CDH2: variants seen among roughly 807,000 people sequenced by gnomAD.
The protein encoded by CDH2 is cadherin-2.
A neutral mutation model predicts 92.0 loss-of-function variants in CDH2; 17 were observed. The observed-to-expected ratio is 0.18, with a 90% confidence interval of 0.13 to 0.28. The LOEUF (loss-of-function observed/expected upper bound fraction) is 0.28, where lower values mean the gene tolerates loss of function less well. Ranked by LOEUF, CDH2 falls within the 10% of genes least tolerant of loss-of-function variation. The pLI, the probability that CDH2 is intolerant of heterozygous loss-of-function variation, is 1.00. For synonymous variants in CDH2, 419 were observed against 415.9 expected (o/e 1.01, Z -0.09); for missense variants, 862 against 1,133.1 (o/e 0.76, Z 3.44).
At chr18:27,985,983 T>C (rs756130691) in intron 11 of CDH2, among the ~76,000 whole-genome samples, 1 of 152,144 alleles carries the variant, frequency 6.6e-6, no homozygotes, top group Non-Finnish European at 1.5e-5. Context: ...CTGCAGGAGC[T>C]GAGCAAGGTG....
intron 2 of CDH2, among the ~76,000 whole-genome samples, chr18:28,102,692 GC>G (rs2015246036): frequency 6.6e-6 from 1 of 152,014 alleles, no homozygotes; most frequent in African/African-American, 2.4e-5. Context: ...TTATCTTGTG[GC>G]TTGGAGCAAA....
chr18:28,072,680 A>G (rs1394400004), intron 2 of CDH2, among the ~76,000 whole-genome samples: 2 of 152,232 alleles, frequency 1.3e-5, no homozygotes, highest in Non-Finnish European at 2.9e-5. Context: ...CATAAAACAC[A>G]GGAAGGCTTT....
chr18:27,987,390 A>C (rs1351534089), intron 11 of CDH2, among the ~76,000 whole-genome samples: 2 of 152,234 alleles, frequency 1.3e-5, no homozygotes, highest in Non-Finnish European at 2.9e-5. Context: ...TTGGTTGGTC[A>C]CTACATAGAT....
intron 6 of CDH2, 137 bp from the exon 7 acceptor site, chr18:28,003,306 A>G (rs1039960325): frequency 1.6e-6 from 1 of 612,254 alleles, no homozygotes; most frequent in Non-Finnish European, 2.7e-6. Context: ...AGACTTGATT[A>G]AAAATGCTAC....
intron 4 of CDH2, among the ~76,000 whole-genome samples, chr18:28,010,574 G>A (rs1302843352): frequency 6.6e-6 from 1 of 152,078 alleles, no homozygotes; most frequent in Non-Finnish European, 1.5e-5. Context: ...AGACAGAACA[G>A]GCTATGGAAG....
intron 2 of CDH2, among the ~76,000 whole-genome samples, chr18:28,037,195 CATAAA>C (rs2013850327): frequency 6.6e-6 from 1 of 152,106 alleles, no homozygotes; most frequent in African/African-American, 2.4e-5. Flanking sequence ...TACAAAATCT[CATAAA>C]TAAAGAAATG....
At chr18:28,074,580 T>A (rs2014682784) in intron 2 of CDH2, among the ~76,000 whole-genome samples, 1 of 152,094 alleles carries the variant, frequency 6.6e-6, no homozygotes, top group South Asian at 2.1e-4. Flanking sequence ...TTTAAAATTA[T>A]TTTGCTTTTA....
intron 1 of CDH2, among the ~76,000 whole-genome samples, chr18:28,151,685 T>C (rs986593218): frequency 2.0e-5 from 3 of 152,174 alleles, no homozygotes; most frequent in African/African-American, 7.2e-5. Context: ...GATGAAATTC[T>C]GGAACTTCCA....
At chr18:28,121,193 C>T (rs17536333) in intron 2 of CDH2, among the ~76,000 whole-genome samples, 99 of 152,172 alleles carry the variant, frequency 6.5e-4, no homozygotes, top group African/African-American at 2.3e-3. Context: ...ATAGAAAACA[C>T]CTAAATAAAC....
chr18:28,133,212 T>C (rs2015801633), intron 2 of CDH2, among the ~76,000 whole-genome samples: 1 of 152,168 alleles, frequency 6.6e-6, no homozygotes, highest in South Asian at 2.1e-4. Context: ...ACTTTAAAAC[T>C]GTTTACATCT....
intron 1 of CDH2, among the ~76,000 whole-genome samples, chr18:28,171,679 A>G (rs1568026358): frequency 6.6e-6 from 1 of 152,186 alleles, no homozygotes; most frequent in African/African-American, 2.4e-5. Flanking sequence ...TTTTCGGCTG[A>G]AAAAAGCCTT....
intron 2 of CDH2, among the ~76,000 whole-genome samples, chr18:28,077,501 T>A (rs990118462): frequency 6.6e-6 from 1 of 152,108 alleles, no homozygotes; most frequent in African/African-American, 2.4e-5. Context: ...CCCAGAAATG[T>A]CATCATTTTT....
intron 2 of CDH2, among the ~76,000 whole-genome samples, chr18:28,028,655 T>C (rs893411068): frequency 2.0e-5 from 3 of 152,112 alleles, no homozygotes; most frequent in Admixed American, 6.6e-5. Context: ...TTCCCAATAT[T>C]TACTGCAAAT....
Position 27,987,356 on chromosome 18 carries a change from T to C in CDH2, c.1741+1168A>G, listed in dbSNP as rs1044443159. On this transcript the variant is annotated intron_variant, in intron 11 of 15. Transcript: ENST00000269141. ...AAATATTTAAACAAGAGGTCCCATATTAAAAAGGATAAGAAATATTTCTTT... is the reference window on the plus strand; with the variant it reads ...AAATATTTAAACAAGAGGTCCCATACTAAAAAGGATAAGAAATATTTCTTT... Among the ~76,000 whole-genome samples, 7 of 152,322 alleles carry C rather than the reference T, an allele frequency of 4.6e-5. No individual in the cohort carries two copies. The South Asian group carries it at 1.2e-3, about 27-fold the overall frequency.
chr18:27,993,424 C>A (rs2143978709), intron 8 of CDH2, 76 bp downstream of exon 8: 1 of 1,434,532 alleles, frequency 7.0e-7, no homozygotes, highest in Non-Finnish European at 9.6e-7. Flanking sequence ...CTATTTAACA[C>A]ATTTATTATT....
At position 27,952,147 on chromosome 18, in the gene CDH2, T is replaced by A. The variant is rs772705778; in HGVS notation, c.*6A>T. 4 of 1,611,930 alleles carry A rather than the reference T, an allele frequency of 2.5e-6. No individual in the cohort carries two copies. Among genetic ancestry groups the A allele is most frequent in the Non-Finnish European group, 3.4e-6 (4 of 1,178,200 alleles). On this transcript the variant is annotated 3_prime_UTR_variant, in exon 16 of 16. Coordinates refer to ENST00000269141, the MANE Select transcript of CDH2 (RefSeq NM_001792.5). ...ACTTGTCCAAAAACCAAGTTCACCC[T>A]GAAGTTCAGTCATCACCTCCACCAT...
chr18:28,136,385 T>C (rs974751034), intron 2 of CDH2, among the ~76,000 whole-genome samples: 4 of 150,690 alleles, frequency 2.7e-5, no homozygotes, highest in African/African-American at 9.8e-5. Flanking sequence ...TTTGCTGTAA[T>C]CTTTTTTTTT....
chr18:28,160,161 TA>T (rs143094405), intron 1 of CDH2, among the ~76,000 whole-genome samples: 11,672 of 141,666 alleles, frequency 0.082, 1,459 homozygotes, highest in African/African-American at 0.28. Flanking sequence ...GAGAAAAAAA[TA>T]AAAAAAAAAA....
At position 28,153,682 on chromosome 18, in the gene CDH2, C is replaced by T. The variant is rs17495146; in HGVS notation, c.61-5898G>A. On this transcript the variant is annotated intron_variant, in intron 1 of 15. Transcript: ENST00000269141. ...TATCTGCCAGACCTCTGAGAAGAAA[C>T]AGTTCCCCATCTGTACAACAAGAGT... 4.2e-3 allele frequency among the ~76,000 whole-genome samples: 637 copies of T among 152,346 alleles called. 4 individuals carry two copies. Among genetic ancestry groups the T allele is most frequent in the African/African-American group, 0.015 (605 of 41,584 alleles).
Sources: gnomAD v4.1 joint callset for allele counts (sites outside exome capture counted in the v4.1 genomes callset) on GRCh38, gnomAD v4.1.1 for gene constraint, MANE v1.5 for transcripts, NCBI Gene and HGNC (gene_info 2026-07-23, HGNC 2026-07-21) for gene names.